Variants in EBF3 observed in about 807,000 individuals in gnomAD.
The protein encoded by EBF3 is EBF transcription factor 3.
EBF3 carries 18 observed loss-of-function variants against 77.1 expected under a neutral mutation model. The ratio of observed to expected loss-of-function variants is 0.23; its 90% CI spans 0.16 to 0.35. EBF3 has a LOEUF of 0.35. Among genes scored for constraint, EBF3 ranks in the 10% least tolerant of loss-of-function variants. The probability of loss-of-function intolerance (pLI) is 1.00; values close to 1 mark genes in which losing one functional copy is unlikely to be tolerated. For synonymous variants in EBF3, 350 were observed against 343.5 expected (o/e 1.02, Z -0.21); for missense variants, 558 against 860.0 (o/e 0.65, Z 4.39).
intron 6 of EBF3, among the ~76,000 whole-genome samples, chr10:129,878,846 A>AAAAAT (rs1852995949): frequency 6.8e-6 from 1 of 147,806 alleles, no homozygotes; most frequent in East Asian, 2.0e-4. Context: ...AAAAAAAAAA[A>AAAAAT]TCTAAGAACT....
intron 11 of EBF3, chr10:129,845,932 C>CT (rs1850424592): frequency 7.2e-5 from 3 of 41,590 alleles, no homozygotes; most frequent in Admixed American, 2.6e-4. Context: ...TTTCTGCTTT[C>CT]ATTTTTTTTT....
At chr10:129,918,058 A>G (rs1424797421) in intron 6 of EBF3, among the ~76,000 whole-genome samples, 1 of 152,206 alleles carries the variant, frequency 6.6e-6, no homozygotes, top group Non-Finnish European at 1.5e-5. Context: ...AAGCTGGAAA[A>G]GCCTGCCCCT....
intron 6 of EBF3, among the ~76,000 whole-genome samples, chr10:129,950,270 CCCCA>C (rs2134565220): frequency 6.6e-6 from 1 of 152,300 alleles, no homozygotes; most frequent in Admixed American, 6.5e-5. Context: ...CGGCTGCTGC[CCCCA>C]CCACCGTTTG....
At chr10:129,844,240 C>T (rs1850293826) in intron 11 of EBF3, among the ~76,000 whole-genome samples, 1 of 152,100 alleles carries the variant, frequency 6.6e-6, no homozygotes, top group African/African-American at 2.4e-5. Context: ...TGCTGGTCCA[C>T]CTTTTAGGTG....
rs1469081284 is a variant in EBF3, at chr10:129,943,736, G to A, written c.554+13522C>T. Among the ~76,000 whole-genome samples the A allele has an allele frequency of 6.6e-6, 1 of 152,146 alleles. No homozygotes were observed. Among genetic ancestry groups the A allele is most frequent in the Non-Finnish European group, 1.5e-5 (1 of 68,038 alleles). On this transcript the variant is annotated intron_variant, in intron 6 of 16. Transcript: ENST00000440978. This position sits in a 1 kb window ranked among gnomAD's most constrained non-coding sequence, Gnocchi z 8.8. Reference sequence around the variant, plus strand: ...TTGCTAGGAATTCTTTTCACAGGCTGCATCTATGCTAGCCAATGAAAACAA... The same window carrying A: ...TTGCTAGGAATTCTTTTCACAGGCTACATCTATGCTAGCCAATGAAAACAA...
At chr10:129,849,972 A>G (rs887787445) in intron 10 of EBF3, among the ~76,000 whole-genome samples, 2 of 152,258 alleles carry the variant, frequency 1.3e-5, no homozygotes, top group South Asian at 4.1e-4. Context: ...TTGGGGGACA[A>G]TTTGTCATGT....
At chr10:129,914,651 AC>A (rs1855749299) in intron 6 of EBF3, among the ~76,000 whole-genome samples, 1 of 152,036 alleles carries the variant, frequency 6.6e-6, no homozygotes, top group African/African-American at 2.4e-5. Context: ...GGCACAGAAG[AC>A]CCACTGTGCG....
chr10:129,916,146 T>C (rs912437021), intron 6 of EBF3, among the ~76,000 whole-genome samples: 1 of 151,842 alleles, frequency 6.6e-6, no homozygotes, highest in South Asian at 2.1e-4. Context: ...TCTCTAACAG[T>C]GAAAAGCCAC....
chr10:129,876,291 G>C (rs925659917), intron 7 of EBF3, among the ~76,000 whole-genome samples: 1 of 152,216 alleles, frequency 6.6e-6, no homozygotes, highest in Non-Finnish European at 1.5e-5. Context: ...TAGTAACTAC[G>C]GGGTCTGCAG....
intron 7 of EBF3, among the ~76,000 whole-genome samples, chr10:129,876,901 C>CAA (rs1491511769): frequency 0.014 from 1,479 of 102,942 alleles, 75 homozygotes; most frequent in African/African-American, 0.051. Flanking sequence ...CCCCCCCCCC[C>CAA]ACCCAGCTAC....
intron 6 of EBF3, among the ~76,000 whole-genome samples, chr10:129,932,556 C>G (rs1002213353): frequency 5.3e-5 from 8 of 152,218 alleles, no homozygotes; most frequent in Non-Finnish European, 2.9e-5. Flanking sequence ...TTTCCAAGGG[C>G]AGGACAGACA....
chr10:129,880,986 T>C (rs1345957291), intron 6 of EBF3, among the ~76,000 whole-genome samples: 1 of 152,234 alleles, frequency 6.6e-6, no homozygotes, highest in Middle Eastern at 3.2e-3. Flanking sequence ...GAAAATTGAA[T>C]GCCCAACATG....
intron 6 of EBF3, 40 bp downstream of exon 6, chr10:129,957,218 G>A: frequency 1.3e-6 from 2 of 1,552,974 alleles, no homozygotes; most frequent in Non-Finnish European, 8.8e-7. Context: ...TTTTGTTGCT[G>A]CTGCGGTTTT....
chr10:129,887,837 A>G (rs1853715836), intron 6 of EBF3, among the ~76,000 whole-genome samples: 1 of 152,106 alleles, frequency 6.6e-6, no homozygotes, highest in Non-Finnish European at 1.5e-5. Context: ...CTCCTTTCAG[A>G]GCGTTGACTA....
chr10:129,944,229 T>C lies in EBF3; in HGVS notation c.554+13029A>G, dbSNP rs377320650. On this transcript the variant is annotated intron_variant, in intron 6 of 16. Coordinates refer to ENST00000440978, the MANE Select transcript of EBF3 (RefSeq NM_001375380.1). The surrounding 1 kb of genome is among the most constrained non-coding windows in gnomAD (Gnocchi z 5.1). ...CCAGTTACAATAACATTAAAATATA[T>C]TGTTTATTTGCGGGTGGGGTCATTT... 2.6e-5 allele frequency among the ~76,000 whole-genome samples: 4 copies of C among 152,152 alleles called. No individual in the cohort carries two copies. In the East Asian group the frequency reaches 7.7e-4, roughly 29 times the overall value.
chr10:129,914,674 T>C (rs947191262), intron 6 of EBF3, among the ~76,000 whole-genome samples: 1 of 152,158 alleles, frequency 6.6e-6, no homozygotes, highest in African/African-American at 2.4e-5. Context: ...CCGGTCCATC[T>C]GAAAGCACGG....
chr10:129,850,351 C>T (rs989574300), intron 10 of EBF3, among the ~76,000 whole-genome samples: 3 of 152,220 alleles, frequency 2.0e-5, no homozygotes, highest in South Asian at 2.1e-4. Context: ...CTGGGAGAGA[C>T]GCTTTCCAAT....
Position 129,938,795 on chromosome 10 carries a change from C to T in EBF3, c.554+18463G>A, listed in dbSNP as rs571304621. Among the ~76,000 whole-genome samples, 1 of 152,054 alleles carries T rather than the reference C, an allele frequency of 6.6e-6. No homozygotes were observed. Among genetic ancestry groups the T allele is most frequent in the African/African-American group, 2.4e-5 (1 of 41,414 alleles). ...GGGCAAGATGTTACATGGGGGTCTTCGTGGCCCATAAAACCAACCTGGGGA... is the reference window on the plus strand; with the variant it reads ...GGGCAAGATGTTACATGGGGGTCTTTGTGGCCCATAAAACCAACCTGGGGA... On this transcript the variant is annotated intron_variant, in intron 6 of 16. Transcript: ENST00000440978. The surrounding 1 kb of genome is among the most constrained non-coding windows in gnomAD (Gnocchi z 5.1).
In EBF3 at chr10:129,963,147, C is replaced by G; in HGVS notation, c.292-142G>C. 8.0e-7 allele frequency: 1 copy of G among 1,244,418 alleles called. No homozygotes were observed. The highest frequency in any genetic ancestry group is 1.3e-5 in the South Asian group (1 of 76,986). 77.1% of individuals were successfully genotyped at this position (1,244,418 alleles called of 1,614,324 possible). On this transcript the variant is annotated intron_variant, in intron 2 of 16. Coordinates refer to ENST00000440978, the MANE Select transcript of EBF3 (RefSeq NM_001375380.1). This position sits in a 1 kb window ranked among gnomAD's most constrained non-coding sequence, Gnocchi z 7.1. ...CGAAGCAGCGCGGTGATGTCACTTT[C>G]CTGCTGGAAGCCCAGCGTTCTCCTC... is the stretch of plus-strand genomic sequence containing the variant.
Sources: gnomAD v4.1 joint callset for allele counts (sites outside exome capture counted in the v4.1 genomes callset) on GRCh38, gnomAD v4.1.1 for gene constraint, Gnocchi (gnomAD v3.1) non-coding constraint, MANE v1.5 for transcripts, NCBI Gene and HGNC (gene_info 2026-07-23, HGNC 2026-07-21) for gene names.